The following BAALC variants were observed in gnomAD, a reference collection of about 807,000 sequenced individuals.
The protein encoded by BAALC is BAALC binder of MAP3K1 and KLF4.
A neutral mutation model predicts 15.5 loss-of-function variants in BAALC; 9 were observed. The ratio of observed to expected loss-of-function variants is 0.58; its 90% CI spans 0.35 to 1.02. BAALC has a LOEUF of 1.02. BAALC is among the 50% of genes least tolerant of loss of function. BAALC has a pLI of 0.02. For missense variants in BAALC, 201 were observed against 192.4 expected, an observed-to-expected ratio of 1.04 and a Z score of -0.27; for synonymous variants, 80 against 74.6, an observed-to-expected ratio of 1.07 and a Z score of -0.37.
intron 1 of BAALC, among the ~76,000 whole-genome samples, chr8:103,147,471 A>AC (rs1554607956): frequency 6.6e-6 from 1 of 151,850 alleles, no homozygotes; most frequent in Non-Finnish European, 1.5e-5. Flanking sequence ...AACATTGCAG[A>AC]TTTTTTTTTC....
At chr8:103,172,914 A>G (rs754602187) in intron 1 of BAALC, among the ~76,000 whole-genome samples, 3 of 152,246 alleles carry the variant, frequency 2.0e-5, no homozygotes, top group Admixed American at 6.5e-5. Flanking sequence ...AAAACAAAAA[A>G]TAATGATTTA....
intron 2 of BAALC, among the ~76,000 whole-genome samples, chr8:103,223,064 G>T (rs927572226): frequency 1.3e-5 from 2 of 152,148 alleles, no homozygotes; most frequent in Admixed American, 6.5e-5. Flanking sequence ...TGTAATTCCA[G>T]CACTTTGGGA....
chr8:103,150,535 T>A (rs887968466), intron 1 of BAALC, among the ~76,000 whole-genome samples: 1 of 152,156 alleles, frequency 6.6e-6, no homozygotes, highest in Non-Finnish European at 1.5e-5. Context: ...AATGTCTGCC[T>A]ACATCTCACC....
At chr8:103,169,538 T>C (rs1246382760) in intron 1 of BAALC, among the ~76,000 whole-genome samples, 1 of 152,238 alleles carries the variant, frequency 6.6e-6, no homozygotes, top group African/African-American at 2.4e-5. Context: ...GTCTGTCATC[T>C]TCACTATAGA....
At chr8:103,220,467 CAT>C (rs766705267) in intron 2 of BAALC, among the ~76,000 whole-genome samples, 16 of 152,290 alleles carry the variant, frequency 1.1e-4, no homozygotes, top group Non-Finnish European at 1.5e-4. Flanking sequence ...TGTCTTCACA[CAT>C]GTGTTCATGG....
At chr8:103,200,448 T>C (rs1215055963) in intron 1 of BAALC, among the ~76,000 whole-genome samples, 1 of 152,194 alleles carries the variant, frequency 6.6e-6, no homozygotes, top group Non-Finnish European at 1.5e-5. Context: ...ATGAAAAGGC[T>C]AGTTGTACTA....
intron 1 of BAALC, among the ~76,000 whole-genome samples, chr8:103,196,596 A>G (rs1358376721): frequency 6.6e-6 from 1 of 152,140 alleles, no homozygotes; most frequent in Non-Finnish European, 1.5e-5. Flanking sequence ...TTTAGCTCTA[A>G]AAGAATGCAC....
chr8:103,196,283 A>C (rs530484511), intron 1 of BAALC, among the ~76,000 whole-genome samples: 1 of 149,186 alleles, frequency 6.7e-6, no homozygotes, highest in Non-Finnish European at 1.5e-5. Context: ...TTTTGTTGTT[A>C]TTGTTATCGT....
chr8:103,146,424 T>C (rs1810882884), intron 1 of BAALC, among the ~76,000 whole-genome samples: 1 of 152,196 alleles, frequency 6.6e-6, no homozygotes, highest in African/African-American at 2.4e-5. Flanking sequence ...TGTTACCGCT[T>C]GTGGTTCTAT....
chr8:103,156,181 C>T (rs1811086283), intron 1 of BAALC, among the ~76,000 whole-genome samples: 1 of 152,210 alleles, frequency 6.6e-6, no homozygotes, highest in African/African-American at 2.4e-5. Flanking sequence ...ATAGGATTTG[C>T]AGTTACTAGT....
intron 1 of BAALC, among the ~76,000 whole-genome samples, chr8:103,150,422 C>G (rs917814440): frequency 6.6e-6 from 1 of 151,924 alleles, no homozygotes; most frequent in Non-Finnish European, 1.5e-5. Flanking sequence ...TTCTGAGTCT[C>G]AAATGCCCTT....
chr8:103,208,615 T>C (rs137875647), intron 1 of BAALC: 1 of 152,200 alleles, frequency 6.6e-6, no homozygotes, highest in African/African-American at 2.4e-5. Flanking sequence ...GCAGGCACCA[T>C]CGTGAAATCC....
At chr8:103,155,388 G>A (rs1182412222) in intron 1 of BAALC, among the ~76,000 whole-genome samples, 2 of 152,344 alleles carry the variant, frequency 1.3e-5, no homozygotes, top group East Asian at 3.9e-4. Flanking sequence ...CAGGGCAGAG[G>A]GAGGAGTGGA....
In BAALC at chr8:103,230,017, A is replaced by C. The variant is rs1812892896; in HGVS notation, c.*1918A>C. On this transcript the variant is annotated 3_prime_UTR_variant, in exon 3 of 3. Coordinates refer to ENST00000309982, the MANE Select transcript of BAALC (RefSeq NM_024812.3). ...TACAGCTTTGTTTCTGCATCAGTTCACTGCTGCATGTTGTTTGGAATTTAT... is the reference window on the plus strand; with the variant it reads ...TACAGCTTTGTTTCTGCATCAGTTCCCTGCTGCATGTTGTTTGGAATTTAT... 6.6e-6 allele frequency: 1 copy of C among 152,048 alleles called. No homozygotes were observed. 9.4% of individuals were successfully genotyped at this position (152,048 alleles called of 1,614,324 possible). A position where few individuals can be genotyped will look rare whatever the true frequency, so the allele number is the denominator to read the frequency against.
intron 1 of BAALC, among the ~76,000 whole-genome samples, chr8:103,174,969 G>A (rs758929254): frequency 1.3e-5 from 2 of 152,136 alleles, no homozygotes; most frequent in African/African-American, 2.4e-5. Context: ...ACTGCTAAAG[G>A]GGGCTTTTTC....
chr8:103,209,134 G>A (rs1157699792), intron 1 of BAALC, among the ~76,000 whole-genome samples: 1 of 152,180 alleles, frequency 6.6e-6, no homozygotes, highest in Non-Finnish European at 1.5e-5. Context: ...CACTTTGGGA[G>A]GCCAAGGCGG....
intron 1 of BAALC, among the ~76,000 whole-genome samples, chr8:103,204,013 A>G (rs570927997): frequency 3.7e-4 from 56 of 152,198 alleles, no homozygotes; most frequent in Non-Finnish European, 7.2e-4. Context: ...GACTGAAAGC[A>G]GCTGTACCAT....
chr8:103,201,034 A>G (rs2130031264), intron 1 of BAALC, among the ~76,000 whole-genome samples: 1 of 152,262 alleles, frequency 6.6e-6, no homozygotes, highest in South Asian at 2.1e-4. Flanking sequence ...CTATCGTACT[A>G]GGTACCTTTG....
intron 2 of BAALC, among the ~76,000 whole-genome samples, chr8:103,223,083 C>T (rs1037289353): frequency 2.0e-5 from 3 of 152,070 alleles, no homozygotes; most frequent in Non-Finnish European, 2.9e-5. Context: ...GAGGCTGATG[C>T]GGGTGGACCA....
Sources: allele counts gnomAD v4.1 joint callset (sites outside exome capture counted in the v4.1 genomes callset), GRCh38; gene constraint gnomAD v4.1.1; transcripts MANE v1.5; gene names NCBI Gene and HGNC (gene_info 2026-07-23, HGNC 2026-07-21).